The following SPTBN2 variants were observed in gnomAD, a reference collection of about 807,000 sequenced individuals.
SPTBN2 encodes the protein spectrin beta, non-erythrocytic 2.
Under a neutral mutation model 284.2 loss-of-function variants are expected in SPTBN2, and 107 were observed. That is an observed-to-expected ratio of 0.38 (90% confidence interval 0.32 to 0.44). The LOEUF (loss-of-function observed/expected upper bound fraction) is 0.44. Ranked by LOEUF, SPTBN2 falls within the 20% of genes least tolerant of loss-of-function variation. The pLI is 1.00. For missense variants in SPTBN2, 2,569 were observed against 3,287.1 expected, an observed-to-expected ratio of 0.78 and a Z score of 5.34; for synonymous variants, 1,289 against 1,354.8, an observed-to-expected ratio of 0.95 and a Z score of 1.07.
rs1464640041 is a variant in SPTBN2 at position 66,683,120 on chromosome 11, C to G, written c.*2751G>C. The stretch of plus-strand genomic sequence containing the variant: ...TCTCGCTCTGTCACCCAGGCTGGAG[C>G]GCAGTGGCGGCATCTCGGCTCACTG... On this transcript the variant is annotated 3_prime_UTR_variant, in exon 38 of 38. Transcript: ENST00000533211. Among the ~76,000 whole-genome samples the G allele has an allele frequency of 8.3e-6, 1 of 120,414 alleles. No individual in the cohort carries two copies. Among genetic ancestry groups the G allele is most frequent in the Non-Finnish European group, 1.6e-5 (1 of 62,504 alleles). 79.0% of individuals were successfully genotyped at this position (120,414 alleles called of 152,430 possible).
At chr11:66,738,490 T>A (rs1942871140) in intron 1 of SPTBN2, among the ~76,000 whole-genome samples, 1 of 152,184 alleles carries the variant, frequency 6.6e-6, no homozygotes. Context: ...CCAGAACAGA[T>A]GAAAATCAAA....
chr11:66,686,270 C>G (rs535980731), intron 37 of SPTBN2, 128 bp downstream of exon 37: 1 of 1,432,198 alleles, frequency 7.0e-7, no homozygotes, highest in East Asian at 2.3e-5. Context: ...GTGCGGCCGT[C>G]GCACACATCC....
rs1940638911 is a variant in SPTBN2, at chr11:66,692,672, T to C, written c.5054A>G (p.Glu1685Gly). ...LYAGLKELAG[E>G]RRERLQEHLR... is the part of the protein sequence containing the mutation. ...GTGCTCCTGCAGGCGCTCCCGCCGC[T>C]CTCCAGCCAGCTCCTTCAGGCCGGC... The change falls in exon 26 of 38, where the codon GAG (glutamate) becomes GGG (glycine). Residue 1685 changes from glutamate to glycine, a missense_variant. Transcript: ENST00000533211. 3 of 1,605,474 alleles carry C rather than the reference T, an allele frequency of 1.9e-6. No individual in the cohort carries two copies. The highest frequency in any genetic ancestry group is 2.2e-5 in the East Asian group (1 of 44,864).
At chr11:66,696,229 C>A in intron 21 of SPTBN2, 48 bp downstream of exon 21, 1 of 1,602,100 alleles carries the variant, frequency 6.2e-7, no homozygotes, top group Non-Finnish European at 8.5e-7. Flanking sequence ...AAAGCTGCAG[C>A]CCCTTTCTTC....
chr11:66,741,827 T>G (rs942298925), intron 1 of SPTBN2, among the ~76,000 whole-genome samples: 1 of 152,176 alleles, frequency 6.6e-6, no homozygotes. Flanking sequence ...TTTTAAAATT[T>G]TAATTTTTTT....
rs1415612936 is a variant in SPTBN2 at position 66,698,675 on chromosome 11, C to T, written c.3978G>A (p.Leu1326=). 3.1e-6 allele frequency: 5 copies of T among 1,614,150 alleles called. No homozygotes were observed. The highest frequency in any genetic ancestry group is 4.2e-6 in the Non-Finnish European group (5 of 1,180,052). The change falls in exon 20 of 38, where the codon CTG becomes CTA. Residue 1326 remains leucine, a synonymous_variant. Coordinates refer to ENST00000533211, the MANE Select transcript of SPTBN2 (RefSeq NM_006946.4). The part of the protein sequence containing the change: ...WQKHQAFMAE[L]AANKDWLDKV... Reference sequence around the variant, plus strand: ...TGTCCAGCCAGTCTTTGTTGGCAGCCAGCTCGGCCATGAATGCCTGGTGCT... The same window carrying T: ...TGTCCAGCCAGTCTTTGTTGGCAGCTAGCTCGGCCATGAATGCCTGGTGCT...
At chr11:66,730,336 C>G (rs1178622497), upstream of SPTBN2, among the ~76,000 whole-genome samples, 2 of 151,792 alleles carry the variant, frequency 1.3e-5, no homozygotes, top group South Asian at 2.1e-4. Flanking sequence ...GTAATCCCAG[C>G]ACTTTGGGAG....
At chr11:66,714,038 G>C in intron 7 of SPTBN2, 53 bp downstream of exon 7, 1 of 1,578,142 alleles carries the variant, frequency 6.3e-7, no homozygotes, top group South Asian at 1.1e-5. Context: ...GTGCACCCCA[G>C]GTCATTAGCC....
intron 7 of SPTBN2, 92 bp downstream of exon 7, chr11:66,713,999 T>C (rs1331886341): frequency 1.5e-6 from 2 of 1,329,934 alleles, no homozygotes; most frequent in African/African-American, 2.9e-5. Context: ...CTGACTGCTG[T>C]GCAGCTCATC....
rs753959566 is a variant in SPTBN2, at chr11:66,701,255, G to A, written c.2844C>T (p.Asp948=). The A allele has an allele frequency of 2.8e-5, 45 of 1,612,654 alleles. No homozygotes were observed. The highest frequency in any genetic ancestry group is 2.5e-4 in the Admixed American group (15 of 60,004). Residue 948 remains aspartate (D), a synonymous_variant, in exon 17 of 38, where the codon GAC becomes GAT. Transcript: ENST00000533211. Reference sequence around the variant, plus strand: ...CTGAGGTGAGAGCTGCCTTCTTGCCGTCTGCCAGACGCCGAAACTGCTGCC... The same window carrying A: ...CTGAGGTGAGAGCTGCCTTCTTGCCATCTGCCAGACGCCGAAACTGCTGCC... ...HRWQQFRRLA[D]GKKAALTSAL...
Position 66,721,268 on chromosome 11 carries a change from AG to A in SPTBN2, c.-22-7del. On this transcript the variant is annotated splice_region_variant and splice_polypyrimidine_tract_variant and intron_variant, in intron 2 of 37. Transcript: ENST00000533211. ...TGGTAGGCGGCTTCCTGCTCCTGCA[AG>A]GAGAATGTGGCCAGTGAGGGGTGTC... 6.2e-7 allele frequency: 1 copy of A among 1,613,978 alleles called. No homozygotes were observed. Among genetic ancestry groups the A allele is most frequent in the Non-Finnish European group, 8.5e-7 (1 of 1,179,950 alleles).
chr11:66,683,063 ATTTTTTTTTT>A lies in SPTBN2; in HGVS notation c.*2798_*2807del, dbSNP rs55950324. Among the ~76,000 whole-genome samples the A allele has an allele frequency of 4.2e-5, 4 of 95,730 alleles. No homozygotes were observed. The highest frequency in any genetic ancestry group is 1.8e-4 in the African/African-American group (4 of 22,258). 62.8% of individuals were successfully genotyped at this position (95,730 alleles called of 152,430 possible). On this transcript the variant is annotated 3_prime_UTR_variant, in exon 38 of 38. Coordinates refer to ENST00000533211, the MANE Select transcript of SPTBN2 (RefSeq NM_006946.4). Reference sequence around the variant, plus strand: ...ACCACCATGCCTGGCCAAGTAATCCATTTTTTTTTTTTTTTTTTTTTTGAGATGGAGTCTC... The same window carrying A: ...ACCACCATGCCTGGCCAAGTAATCCATTTTTTTTTTTTGAGATGGAGTCTC...
At chr11:66,696,571 C>T (rs1442036816) in intron 20 of SPTBN2, 31 bp from the exon 21 acceptor site, 8 of 1,607,584 alleles carry the variant, frequency 5.0e-6, no homozygotes, top group Middle Eastern at 1.6e-4. Context: ...TGTCAAAGTG[C>T]CCAAATTAGC....
intron 20 of SPTBN2, 41 bp from the exon 21 acceptor site, chr11:66,696,581 C>T: frequency 6.2e-7 from 1 of 1,606,566 alleles, no homozygotes; most frequent in East Asian, 2.2e-5. Context: ...CCCAAATTAG[C>T]CTGAACTTTA....
intron 30 of SPTBN2, 77 bp downstream of exon 30, chr11:66,689,019 C>T: frequency 2.0e-6 from 3 of 1,511,260 alleles, no homozygotes; most frequent in South Asian, 2.4e-5. Context: ...GGTTCCTAGT[C>T]TCACCTACTC....
Position 66,693,942 on chromosome 11 carries a change from TG to T in SPTBN2, c.4504-82del. 7.1e-7 allele frequency: 1 copy of T among 1,412,008 alleles called. No individual in the cohort carries two copies. Among genetic ancestry groups the T allele is most frequent in the Non-Finnish European group, 9.8e-7 (1 of 1,017,140 alleles). 87.5% of individuals were successfully genotyped at this position (1,412,008 alleles called of 1,614,324 possible). Reference sequence around the variant, plus strand: ...ACTGATTAGTGGGAGTGGGGACACCTGGGGCTACCGCCCTGTGTGTGGGGAA... The same window carrying T: ...ACTGATTAGTGGGAGTGGGGACACCTGGGCTACCGCCCTGTGTGTGGGGAA... On this transcript the variant is annotated intron_variant, in intron 22 of 37. Coordinates refer to ENST00000533211, the MANE Select transcript of SPTBN2 (RefSeq NM_006946.4). This position sits in a 1 kb window ranked among gnomAD's most constrained non-coding sequence, Gnocchi z 5.7.
Position 66,687,689 on chromosome 11 carries a change from G to C in SPTBN2, c.6502-42C>G. Reference sequence around the variant, plus strand: ...GTCAGTGTCAAAGGTTGAGACGGGAGATCCCTAACCTGGGTGCCAGGAAGC... The same window carrying C: ...GTCAGTGTCAAAGGTTGAGACGGGACATCCCTAACCTGGGTGCCAGGAAGC... On this transcript the variant is annotated intron_variant, in intron 34 of 37. Transcript: ENST00000533211. The surrounding 1 kb of genome is among the most constrained non-coding windows in gnomAD (Gnocchi z 5.2). The C allele has an allele frequency of 6.4e-7, 1 of 1,573,666 alleles. No individual in the cohort carries two copies. The highest frequency in any genetic ancestry group is 8.6e-7 in the Non-Finnish European group (1 of 1,158,318).
chr11:66,709,575 C>T (rs1032016208), intron 10 of SPTBN2, among the ~76,000 whole-genome samples: 1 of 152,198 alleles, frequency 6.6e-6, no homozygotes, highest in Non-Finnish European at 1.5e-5. Flanking sequence ...TCAGTGGCTG[C>T]CCATGACTTA....
chr11:66,688,346 T>C, intron 31 of SPTBN2, 35 bp from the exon 32 acceptor site: 1 of 1,555,274 alleles, frequency 6.4e-7, no homozygotes, highest in African/African-American at 1.4e-5. Flanking sequence ...GTGTAGAAGG[T>C]TGCGTGTAAG....
Sources: gnomAD v4.1 joint callset for allele counts (sites outside exome capture counted in the v4.1 genomes callset) on GRCh38, gnomAD v4.1.1 for gene constraint, Gnocchi (gnomAD v3.1) non-coding constraint, MANE v1.5 for transcripts, NCBI Gene and HGNC (gene_info 2026-07-23, HGNC 2026-07-21) for gene names.